BBX: variants seen among roughly 807,000 people sequenced by gnomAD.
The protein encoded by BBX is HMG box transcription factor BBX.
In BBX, 30 loss-of-function variants were observed where a neutral mutation model predicts 100.2. The observed-to-expected ratio is 0.30, with a 90% CI of 0.22 to 0.41. BBX has a LOEUF of 0.41. Among genes scored for constraint, BBX ranks in the 10% least tolerant of loss-of-function variants. The pLI is 1.00. For missense variants in BBX, 1,023 were observed against 1,129.8 expected, an observed-to-expected ratio of 0.91 and a Z score of 1.35; for synonymous variants, 376 against 388.1, an observed-to-expected ratio of 0.97 and a Z score of 0.37.
At chr3:107,703,914 C>A (rs2061234505) in intron 3 of BBX, among the ~76,000 whole-genome samples, 1 of 152,194 alleles carries the variant, frequency 6.6e-6, no homozygotes, top group South Asian at 2.1e-4. Context: ...CCCTTACCAG[C>A]CCCTTAATGC....
chr3:107,653,418 T>C (rs1019583467), intron 3 of BBX, among the ~76,000 whole-genome samples: 1 of 152,202 alleles, frequency 6.6e-6, no homozygotes, highest in Admixed American at 6.5e-5. Context: ...AGATGCAATG[T>C]GATACCTGGC....
intron 13 of BBX, among the ~76,000 whole-genome samples, chr3:107,782,294 T>TA (rs1186435620): frequency 1.3e-5 from 2 of 150,666 alleles, no homozygotes; most frequent in East Asian, 3.9e-4. Context: ...AGCACATTGC[T>TA]ATAAATTATT....
At chr3:107,776,859 A>G (rs185343029) in intron 12 of BBX, among the ~76,000 whole-genome samples, 27 of 152,288 alleles carry the variant, frequency 1.8e-4, no homozygotes, top group African/African-American at 4.8e-4. Flanking sequence ...TTAGTATCCA[A>G]TTGTATCTGA....
chr3:107,772,603 C>T, intron 10 of BBX, 25 bp from the exon 11 acceptor site: 1 of 1,541,382 alleles, frequency 6.5e-7, no homozygotes, highest in South Asian at 1.3e-5. Context: ...TTCGGGTGCT[C>T]TCCCATTTTG....
At chr3:107,613,246 G>A (rs1559873834) in intron 2 of BBX, among the ~76,000 whole-genome samples, 1 of 149,660 alleles carries the variant, frequency 6.7e-6, no homozygotes, top group Non-Finnish European at 1.5e-5. Context: ...GGAGTGCAGT[G>A]GCGCATCTCG....
At chr3:107,700,460 T>G (rs1478241389) in intron 3 of BBX, among the ~76,000 whole-genome samples, 5 of 148,566 alleles carry the variant, frequency 3.4e-5, no homozygotes, top group African/African-American at 1.3e-4. Context: ...TATTATACTT[T>G]AAGTTTTAGG....
intron 2 of BBX, among the ~76,000 whole-genome samples, chr3:107,624,783 C>T (rs546623409): frequency 6.6e-6 from 1 of 152,270 alleles, no homozygotes; most frequent in East Asian, 1.9e-4. Flanking sequence ...GCACAAGAAT[C>T]GCTTGAACCC....
At chr3:107,544,295 A>G (rs1271982014) in intron 2 of BBX, among the ~76,000 whole-genome samples, 1 of 152,182 alleles carries the variant, frequency 6.6e-6, no homozygotes, top group Non-Finnish European at 1.5e-5. Flanking sequence ...AAATTGTCAT[A>G]ATAGATTGAT....
chr3:107,728,733 T>C, intron 5 of BBX, 32 bp from the exon 6 acceptor site: 1 of 1,567,518 alleles, frequency 6.4e-7, no homozygotes, highest in South Asian at 1.2e-5. Context: ...TATTTGTTAA[T>C]TAAAATCTGC....
intron 10 of BBX, among the ~76,000 whole-genome samples, chr3:107,758,295 C>G (rs1045751751): frequency 5.3e-5 from 8 of 152,006 alleles, no homozygotes; most frequent in Admixed American, 2.0e-4. Context: ...CCTATCTGAC[C>G]AGGCAAAAAA....
chr3:107,596,350 T>A (rs925988670), intron 2 of BBX, among the ~76,000 whole-genome samples: 1 of 152,174 alleles, frequency 6.6e-6, no homozygotes, highest in African/African-American at 2.4e-5. Flanking sequence ...CAGAACATAG[T>A]AAGTTTTCTT....
intron 2 of BBX, among the ~76,000 whole-genome samples, chr3:107,539,633 T>A (rs2048737997): frequency 2.0e-5 from 3 of 152,226 alleles, no homozygotes; most frequent in Admixed American, 2.0e-4. Flanking sequence ...GAGCATGTGT[T>A]CCTTGATATG....
intron 2 of BBX, among the ~76,000 whole-genome samples, chr3:107,589,571 T>C (rs1169811572): frequency 1.3e-5 from 2 of 152,208 alleles, no homozygotes; most frequent in Non-Finnish European, 2.9e-5. Context: ...ATGATTGTAG[T>C]TGGCACTGTT....
At chr3:107,744,502 T>G (rs2064402671) in intron 7 of BBX, 128 bp from the exon 8 acceptor site, 6 of 689,856 alleles carry the variant, frequency 8.7e-6, no homozygotes, top group Non-Finnish European at 1.5e-5. Flanking sequence ...AGAAAAATAC[T>G]TGATTAAAAA....
At chr3:107,554,011 A>G (rs1190013351) in intron 2 of BBX, among the ~76,000 whole-genome samples, 1 of 152,176 alleles carries the variant, frequency 6.6e-6, no homozygotes, top group Non-Finnish European at 1.5e-5. Context: ...CTGAACAAAT[A>G]AGAAACTGAG....
chr3:107,623,809 C>T (rs1044507508), intron 2 of BBX, among the ~76,000 whole-genome samples: 2 of 152,112 alleles, frequency 1.3e-5, no homozygotes, highest in African/African-American at 2.4e-5. Flanking sequence ...GGGTTGGGCA[C>T]TGTACAGGGT....
chr3:107,630,761 A>T (rs2056495639), intron 2 of BBX, among the ~76,000 whole-genome samples: 1 of 152,150 alleles, frequency 6.6e-6, no homozygotes, highest in East Asian at 1.9e-4. Flanking sequence ...TGCTGTCGGG[A>T]TGGGGTACTT....
At chr3:107,646,994 T>C (rs1039355370) in intron 3 of BBX, among the ~76,000 whole-genome samples, 4 of 152,142 alleles carry the variant, frequency 2.6e-5, no homozygotes, top group Non-Finnish European at 4.4e-5. Context: ...GTATTTATAA[T>C]AGGTCATTTA....
chr3:107,656,743 C>T (rs1244828813), intron 3 of BBX, among the ~76,000 whole-genome samples: 1 of 152,062 alleles, frequency 6.6e-6, no homozygotes, highest in Non-Finnish European at 1.5e-5. Flanking sequence ...CAAATATTTA[C>T]TAATTATCAT....
Sources: gnomAD v4.1 joint callset for allele counts (sites outside exome capture counted in the v4.1 genomes callset) on GRCh38, gnomAD v4.1.1 for gene constraint, MANE v1.5 for transcripts, NCBI Gene and HGNC (gene_info 2026-07-23, HGNC 2026-07-21) for gene names.